Variants in ASB4 observed in about 807,000 individuals in gnomAD.
The protein encoded by ASB4 is ankyrin repeat and SOCS box containing 4.
In ASB4, 35 loss-of-function variants were observed where a neutral mutation model predicts 38.6. The observed-to-expected ratio is 0.91, with a 90% CI of 0.69 to 1.20. The LOEUF (loss-of-function observed/expected upper bound fraction) is 1.20, where lower values mean the gene tolerates loss of function less well. Among genes scored for constraint, ASB4 ranks in the 50% most tolerant of loss-of-function variants. The pLI, the probability that ASB4 is intolerant of heterozygous loss-of-function variation, is 0.00. For synonymous variants in ASB4, 195 were observed against 201.3 expected (o/e 0.97, Z 0.26); for missense variants, 557 against 527.2 (o/e 1.06, Z -0.55).
At chr7:95,496,179 G>T (rs1487380935) in intron 2 of ASB4, 122 bp downstream of exon 2, 5 of 849,760 alleles carry the variant, frequency 5.9e-6, no homozygotes, top group Non-Finnish European at 8.9e-6. Context: ...GCCTAGTACA[G>T]AAGGCCCTAA....
At chr7:95,480,846 C>T (rs1585790174) in intron 1 of ASB4, among the ~76,000 whole-genome samples, 1 of 152,112 alleles carries the variant, frequency 6.6e-6, no homozygotes, top group South Asian at 2.1e-4. Flanking sequence ...CAAAAGATAA[C>T]TAATACAGTG....
intron 2 of ASB4, among the ~76,000 whole-genome samples, chr7:95,497,444 G>T (rs533102223): frequency 2.6e-5 from 4 of 152,278 alleles, no homozygotes; most frequent in Admixed American, 6.5e-5. Flanking sequence ...AAGTATCATT[G>T]CCTGGTTTCA....
the ASB4 span, among the ~76,000 whole-genome samples, chr7:95,549,356 G>T: frequency 7.1e-6 from 1 of 141,000 alleles, no homozygotes; most frequent in South Asian, 2.3e-4. Flanking sequence ...CAGTGCAGTG[G>T]TGCGATCTCC....
At chr7:95,470,830 T>C in the ASB4 span, among the ~76,000 whole-genome samples, 1 of 152,122 alleles carries the variant, frequency 6.6e-6, no homozygotes, top group Non-Finnish European at 1.5e-5. Flanking sequence ...TTTCCCCCCA[T>C]TAGGAAAGAT....
chr7:95,478,774 T>C (rs1789999476), intron 1 of ASB4, among the ~76,000 whole-genome samples: 1 of 152,202 alleles, frequency 6.6e-6, no homozygotes, highest in South Asian at 2.1e-4. Context: ...CGTAGGACTT[T>C]GGACCCTCCC....
chr7:95,496,859 C>T (rs1790256860), intron 2 of ASB4, among the ~76,000 whole-genome samples: 1 of 151,696 alleles, frequency 6.6e-6, no homozygotes, highest in Non-Finnish European at 1.5e-5. Flanking sequence ...AAACAAAAAA[C>T]AAAGAACAAA....
At chr7:95,525,782 G>T (rs1790728306) in intron 2 of ASB4, among the ~76,000 whole-genome samples, 1 of 152,030 alleles carries the variant, frequency 6.6e-6, no homozygotes, top group African/African-American at 2.4e-5. Flanking sequence ...ACTTCTCTAG[G>T]GCAGAATACT....
intron 2 of ASB4, among the ~76,000 whole-genome samples, chr7:95,522,255 A>G (rs757648599): frequency 6.6e-6 from 1 of 152,116 alleles, no homozygotes; most frequent in Non-Finnish European, 1.5e-5. Flanking sequence ...CTGAACTTTG[A>G]TTTATTAGAA....
chr7:95,478,400 A>T (rs751752060), upstream of ASB4: 20 of 152,168 alleles, frequency 1.3e-4, no homozygotes, highest in Non-Finnish European at 2.5e-4. Context: ...TGGGGCAGGG[A>T]TGTTTGATCT....
intron 2 of ASB4, among the ~76,000 whole-genome samples, chr7:95,507,664 T>G (rs1029388990): frequency 1.2e-4 from 19 of 152,290 alleles, no homozygotes; most frequent in African/African-American, 4.3e-4. Flanking sequence ...TGTTAAAAAT[T>G]TATTGAATGT....
At chr7:95,545,806 GA>G in the ASB4 span, among the ~76,000 whole-genome samples, 1 of 152,150 alleles carries the variant, frequency 6.6e-6, no homozygotes, top group Non-Finnish European at 1.5e-5. Flanking sequence ...AGAGACAGGA[GA>G]AAAGCCTCCA....
chr7:95,528,114 T>C lies in ASB4; in HGVS notation c.789T>C (p.Cys263=). Residue 263 remains cysteine, a synonymous_variant, in exon 3 of 5, where the codon TGT becomes TGC. Transcript: ENST00000325885. ...KSPLHKAAWN[C]DHVLMHMMLE... is the part of the protein sequence containing the mutation. ...CCCTCCACAAGGCAGCCTGGAACTG[T>C]GACCACGTGCTCATGCACATGATGC... The C allele has an allele frequency of 6.2e-7, 1 of 1,614,218 alleles. No individual in the cohort carries two copies. The highest frequency in any genetic ancestry group is 8.5e-7 in the Non-Finnish European group (1 of 1,180,046).
chr7:95,484,447 G>C (rs986647415), upstream of ASB4, among the ~76,000 whole-genome samples: 25 of 152,178 alleles, frequency 1.6e-4, no homozygotes, highest in Non-Finnish European at 3.2e-4. Context: ...AGGTAAACTT[G>C]AACTAGTCTA....
intron 4 of ASB4, among the ~76,000 whole-genome samples, chr7:95,536,885 C>A (rs796651732): frequency 6.6e-6 from 1 of 152,092 alleles, no homozygotes; most frequent in Non-Finnish European, 1.5e-5. Context: ...AATATTAAAG[C>A]GTTTTGTGTA....
chr7:95,503,463 C>T (rs1790367870), intron 2 of ASB4, among the ~76,000 whole-genome samples: 2 of 152,214 alleles, frequency 1.3e-5, no homozygotes, highest in African/African-American at 4.8e-5. Context: ...CTGGGAATGG[C>T]TCCAGAAGCC....
chr7:95,493,100 A>G (rs1246634855), intron 1 of ASB4, among the ~76,000 whole-genome samples: 1 of 152,214 alleles, frequency 6.6e-6, no homozygotes, highest in East Asian at 1.9e-4. Flanking sequence ...GAAAGTCCAT[A>G]TAATCCAACA....
Position 95,486,837 on chromosome 7 carries a change from AT to A in ASB4, c.187+688del, listed in dbSNP as rs77498638. 4.9e-4 allele frequency among the ~76,000 whole-genome samples: 74 copies of A among 151,766 alleles called. 1 individual carries two copies. In the East Asian group the frequency reaches 0.013, roughly 27 times the overall value. ...CCTAAGGAAAACAAAAATTAGACCA[AT>A]TTTTTTTTACCAAGGAATTTTCTGG... On this transcript the variant is annotated intron_variant, in intron 1 of 4. Transcript: ENST00000325885.
intron 2 of ASB4, among the ~76,000 whole-genome samples, chr7:95,508,927 G>C (rs953939725): frequency 3.9e-5 from 6 of 152,110 alleles, no homozygotes; most frequent in Non-Finnish European, 5.9e-5. Context: ...TTGGATATGT[G>C]AATCAGTGAT....
intron 2 of ASB4, among the ~76,000 whole-genome samples, chr7:95,516,592 A>C (rs1790586167): frequency 6.6e-6 from 1 of 152,238 alleles, no homozygotes; most frequent in Admixed American, 6.5e-5. Context: ...TTCAGGAGAC[A>C]GGGGAAATAG....
Sources: allele counts gnomAD v4.1 joint callset (sites outside exome capture counted in the v4.1 genomes callset), GRCh38; gene constraint gnomAD v4.1.1; transcripts MANE v1.5; gene names NCBI Gene and HGNC (gene_info 2026-07-23, HGNC 2026-07-21).